The following KCNH1 variants were observed in gnomAD, a reference collection of about 807,000 sequenced individuals.
The protein encoded by KCNH1 is potassium voltage-gated channel subfamily H member 1.
Under a neutral mutation model 69.2 loss-of-function variants are expected in KCNH1, and 27 were observed. The ratio of observed to expected loss-of-function variants is 0.39; its 90% CI spans 0.29 to 0.54. The LOEUF (loss-of-function observed/expected upper bound fraction) is 0.54, where lower values mean the gene tolerates loss of function less well. KCNH1 is among the 20% of genes least tolerant of loss of function. The probability of loss-of-function intolerance (pLI) is 0.68; values close to 1 mark genes in which losing one functional copy is unlikely to be tolerated. For synonymous variants in KCNH1, 456 were observed against 487.7 expected (o/e 0.93, Z 0.86); for missense variants, 798 against 1,261.6 (o/e 0.63, Z 5.57).
At chr1:210,859,313 GT>G (rs1685923175) in intron 7 of KCNH1, 12 of 1,531,864 alleles carry the variant, frequency 7.8e-6, no homozygotes, top group Non-Finnish European at 1.1e-5. Flanking sequence ...TACTGTGTCT[GT>G]AACTGTTTTC....
At chr1:210,700,943 T>C (rs1309931717) in intron 10 of KCNH1, among the ~76,000 whole-genome samples, 1 of 152,134 alleles carries the variant, frequency 6.6e-6, no homozygotes, top group East Asian at 1.9e-4. Flanking sequence ...ATTTATTTAT[T>C]TATTTATTTT....
At chr1:210,846,367 G>T (rs528752424) in intron 7 of KCNH1, among the ~76,000 whole-genome samples, 3 of 152,196 alleles carry the variant, frequency 2.0e-5, no homozygotes, top group African/African-American at 7.2e-5. Context: ...GCATGGTACT[G>T]GTACCAAAAC....
chr1:211,014,179 A>G (rs1357606914), intron 6 of KCNH1, among the ~76,000 whole-genome samples: 2 of 152,308 alleles, frequency 1.3e-5, no homozygotes, highest in East Asian at 3.9e-4. Flanking sequence ...CCACACTTCA[A>G]TAGCAGTAAG....
Position 211,038,162 on chromosome 1 carries a change from C to T in KCNH1, c.559-18906G>A, listed in dbSNP as rs377658380. Among the ~76,000 whole-genome samples, 23 of 152,026 alleles carry T rather than the reference C, an allele frequency of 1.5e-4. No individual in the cohort carries two copies. In the East Asian group the frequency reaches 4.1e-3, roughly 27 times the overall value. On this transcript the variant is annotated intron_variant, in intron 5 of 10. Coordinates refer to ENST00000271751, the MANE Select transcript of KCNH1 (RefSeq NM_172362.3). ...TTTTTTAGTAGAGACGGGGTTTCAC[C>T]GTGTTAGCCAGGATGGTCTCGATCT...
intron 10 of KCNH1, among the ~76,000 whole-genome samples, chr1:210,734,048 T>C (rs1248390064): frequency 6.6e-6 from 1 of 152,104 alleles, no homozygotes; most frequent in South Asian, 2.1e-4. Flanking sequence ...GTCCTAATTC[T>C]GATGGCTCTG....
intron 7 of KCNH1, among the ~76,000 whole-genome samples, chr1:210,839,613 T>C (rs778986586): frequency 5.3e-5 from 8 of 152,196 alleles, no homozygotes; most frequent in Non-Finnish European, 1.2e-4. Flanking sequence ...AAAAAATGCT[T>C]TGTAAATTGC....
rs1681309264 is a variant in KCNH1, at chr1:210,682,994, T to TA, written c.*286dup. ...TAATCTTTTACAAATATCATGGTAG[T>TA]AAAAAATTAAAAATGAAGGAAAATA... is the stretch of plus-strand genomic sequence containing the variant. On this transcript the variant is annotated 3_prime_UTR_variant, in exon 11 of 11. Transcript: ENST00000271751. 2.7e-6 allele frequency: 1 copy of TA among 375,878 alleles called. No homozygotes were observed. The allele number at this position is 375,878 out of a possible 1,614,324, so 23.3% of individuals were successfully genotyped here.
chr1:210,807,884 A>G (rs1684617567), intron 7 of KCNH1, among the ~76,000 whole-genome samples: 1 of 152,216 alleles, frequency 6.6e-6, no homozygotes, highest in Non-Finnish European at 1.5e-5. Context: ...ATCTAGAGAT[A>G]AGGGAAGGAC....
chr1:210,855,161 C>T (rs1191629466), intron 7 of KCNH1, among the ~76,000 whole-genome samples: 1 of 152,144 alleles, frequency 6.6e-6, no homozygotes, highest in Non-Finnish European at 1.5e-5. Flanking sequence ...AGTCCATACC[C>T]AGGCCCGAGA....
chr1:211,118,084 T>G (rs562376004), intron 1 of KCNH1, among the ~76,000 whole-genome samples: 3 of 152,352 alleles, frequency 2.0e-5, no homozygotes, highest in Non-Finnish European at 2.9e-5. Context: ...TGATGTGATG[T>G]GCAGTATTAA....
chr1:210,936,447 C>G, intron 6 of KCNH1, among the ~76,000 whole-genome samples: 1 of 152,218 alleles, frequency 6.6e-6, no homozygotes, highest in Non-Finnish European at 1.5e-5. Context: ...AGAGACTTTT[C>G]AAGCTCCACA....
chr1:211,000,267 T>C (rs1175224646), intron 6 of KCNH1, among the ~76,000 whole-genome samples: 2 of 152,132 alleles, frequency 1.3e-5, no homozygotes, highest in Non-Finnish European at 2.9e-5. Flanking sequence ...AAAAACCCCA[T>C]CATCTCAGCC....
intron 7 of KCNH1, among the ~76,000 whole-genome samples, chr1:210,807,052 A>G (rs1684599553): frequency 6.6e-6 from 1 of 150,932 alleles, no homozygotes; most frequent in African/African-American, 2.4e-5. Context: ...TGGTACAGAA[A>G]AATTCTGTGT....
At chr1:210,776,602 C>CA (rs1250611288) in intron 9 of KCNH1, among the ~76,000 whole-genome samples, 5 of 152,124 alleles carry the variant, frequency 3.3e-5, no homozygotes, top group Non-Finnish European at 4.4e-5. Flanking sequence ...GAGAAGTAGG[C>CA]AGTCTGCAAA....
chr1:211,028,000 T>A (rs1186713833), intron 5 of KCNH1, among the ~76,000 whole-genome samples: 1 of 152,252 alleles, frequency 6.6e-6, no homozygotes, highest in Non-Finnish European at 1.5e-5. Flanking sequence ...TTAATCAATA[T>A]TTATAGAATA....
chr1:211,030,666 A>G (rs1053683752), intron 5 of KCNH1, among the ~76,000 whole-genome samples: 3 of 152,252 alleles, frequency 2.0e-5, no homozygotes, highest in Admixed American at 6.5e-5. Context: ...TTTTAGAAAA[A>G]AAAAGAAAAT....
intron 1 of KCNH1, among the ~76,000 whole-genome samples, chr1:211,130,015 C>T (rs1264695115): frequency 1.3e-5 from 2 of 152,144 alleles, no homozygotes; most frequent in Non-Finnish European, 2.9e-5. Context: ...TTTCCTGGCA[C>T]CAAGGTCTGC....
chr1:210,981,524 T>C (rs903892407), intron 6 of KCNH1, among the ~76,000 whole-genome samples: 8 of 152,284 alleles, frequency 5.3e-5, no homozygotes, highest in African/African-American at 1.9e-4. Flanking sequence ...CGGTCATTAA[T>C]ATAGAGAAAA....
intron 7 of KCNH1, among the ~76,000 whole-genome samples, chr1:210,890,407 A>G (rs1001332463): frequency 6.6e-6 from 1 of 152,234 alleles, no homozygotes; most frequent in Non-Finnish European, 1.5e-5. Flanking sequence ...GAAGGATTAA[A>G]GACTTAAATG....
Sources: allele counts gnomAD v4.1 joint callset (sites outside exome capture counted in the v4.1 genomes callset), GRCh38; gene constraint gnomAD v4.1.1; transcripts MANE v1.5; gene names NCBI Gene and HGNC (gene_info 2026-07-23, HGNC 2026-07-21).